Variants in DCTN1 observed in about 807,000 individuals in gnomAD.
DCTN1 encodes 150 kDa dynein-associated polypeptide.
In DCTN1, 61 loss-of-function variants were observed where a neutral mutation model predicts 161.2. The observed-to-expected ratio is 0.38, with a 90% confidence interval of 0.31 to 0.47. DCTN1 has a LOEUF of 0.47. Ranked by LOEUF, DCTN1 falls within the 20% of genes least tolerant of loss-of-function variation. The pLI, the probability that DCTN1 is intolerant of heterozygous loss-of-function variation, is 0.99. For synonymous variants in DCTN1, 653 were observed against 632.4 expected, an observed-to-expected ratio of 1.03 and a Z score of -0.49; for missense variants, 1,404 against 1,623.7, an observed-to-expected ratio of 0.86 and a Z score of 2.33.
At chr2:74,383,972 T>C (rs935590241), upstream of DCTN1, among the ~76,000 whole-genome samples, 1 of 152,186 alleles carries the variant, frequency 6.6e-6, no homozygotes, top group African/African-American at 2.4e-5. Flanking sequence ...CAGTAGGAAC[T>C]CAAATGCTGC....
At chr2:74,364,690 A>T in intron 26 of DCTN1, 1 of 333,556 alleles carries the variant, frequency 3.0e-6, no homozygotes. Context: ...GCAGAGAAGC[A>T]ATCAAGAGCA....
intron 25 of DCTN1, 49 bp from the exon 26 acceptor site, chr2:74,365,290 C>A: frequency 6.2e-7 from 1 of 1,609,412 alleles, no homozygotes; most frequent in South Asian, 1.1e-5. Context: ...CTAAAGCACT[C>A]CTTGACTATT....
Position 74,379,990 on chromosome 2 carries a change from A to G in DCTN1, c.33+15T>C. On this transcript the variant is annotated intron_variant, in intron 1 of 31. Coordinates refer to ENST00000628224, the MANE Select transcript of DCTN1 (RefSeq NM_004082.5). ...CAGCAGCCCTCCAGGGCCATCCCAGATTAGGGCCACTTACCCGGCTGTACA... is the reference window on the plus strand; with the variant it reads ...CAGCAGCCCTCCAGGGCCATCCCAGGTTAGGGCCACTTACCCGGCTGTACA... 1.9e-6 allele frequency: 3 copies of G among 1,613,968 alleles called. No individual in the cohort carries two copies. Among genetic ancestry groups the G allele is most frequent in the Non-Finnish European group, 2.5e-6 (3 of 1,179,882 alleles).
Position 74,369,189 on chromosome 2 carries a change from T to C in DCTN1, c.1610A>G (p.Gln537Arg), listed in dbSNP as rs4994503. The part of the protein sequence containing the change: ...LQDVNRELTN[Q>R]QEASVERQQQ... The stretch of plus-strand genomic sequence containing the variant: ...TTGCCTCTCCACAGATGCTTCCTGC[T>C]GGTTTGTCAGTTCCCGATTCACATC... Residue 537 changes from glutamine (Q) to arginine (R), a missense_variant, in exon 15 of 32, where the codon CAG (glutamine) becomes CGG (arginine). This residue lies in a region of DCTN1 where 278 missense variants were observed against 363.8 expected (regional missense o/e 0.76). Transcript: ENST00000628224. This position sits in a 1 kb window ranked among gnomAD's most constrained non-coding sequence, Gnocchi z 4.9. 3.7e-6 allele frequency: 6 copies of C among 1,614,130 alleles called. No individual in the cohort carries two copies. Among genetic ancestry groups the C allele is most frequent in the Non-Finnish European group, 5.1e-6 (6 of 1,180,054 alleles).
chr2:74,376,886 C>A, intron 4 of DCTN1, 124 bp from the exon 5 acceptor site: 1 of 831,092 alleles, frequency 1.2e-6, no homozygotes, highest in South Asian at 1.4e-5. Flanking sequence ...ATGAGTAGCC[C>A]CTCAAAGATC....
At chr2:74,367,284 A>C in intron 19 of DCTN1, 68 bp downstream of exon 19, 1 of 1,593,036 alleles carries the variant, frequency 6.3e-7, no homozygotes, top group Non-Finnish European at 8.6e-7. Context: ...TGGGTGCCTG[A>C]TCTCTTGACC....
At chr2:74,382,095 A>G (rs1573184042), upstream of DCTN1, among the ~76,000 whole-genome samples, 1 of 152,180 alleles carries the variant, frequency 6.6e-6, no homozygotes, top group East Asian at 1.9e-4. Flanking sequence ...AGACATATCT[A>G]GGCTTCCAAG....
At position 74,369,590 on chromosome 2, in the gene DCTN1, G is replaced by A; in HGVS notation, c.1393-99C>T. Reference sequence around the variant, plus strand: ...CCAGCACTTTGGGAGGTCAAAGCAGGCGGATCATGAGGTCGAGATCGAGAT... The same window carrying A: ...CCAGCACTTTGGGAGGTCAAAGCAGACGGATCATGAGGTCGAGATCGAGAT... On this transcript the variant is annotated intron_variant, in intron 13 of 31. Transcript: ENST00000628224. The surrounding 1 kb of genome is among the most constrained non-coding windows in gnomAD (Gnocchi z 4.9). 8.1e-7 allele frequency: 1 copy of A among 1,236,054 alleles called. No individual in the cohort carries two copies. Among genetic ancestry groups the A allele is most frequent in the Non-Finnish European group, 1.2e-6 (1 of 848,166 alleles). 76.6% of individuals were successfully genotyped at this position (1,236,054 alleles called of 1,614,324 possible). A position where few individuals can be genotyped will look rare whatever the true frequency, so the allele number is the denominator to read the frequency against.
At chr2:74,375,994 G>A (rs1675200523) in intron 5 of DCTN1, among the ~76,000 whole-genome samples, 1 of 152,232 alleles carries the variant, frequency 6.6e-6, no homozygotes. Flanking sequence ...GCACATGCAG[G>A]TCAAAAACAG....
At chr2:74,382,392 G>T (rs927937554), upstream of DCTN1, among the ~76,000 whole-genome samples, 3 of 152,044 alleles carry the variant, frequency 2.0e-5, no homozygotes, top group Non-Finnish European at 2.9e-5. Context: ...TTGAGACCAG[G>T]AGTTCAAGAC....
At chr2:74,382,091 A>C (rs1484050568), upstream of DCTN1, among the ~76,000 whole-genome samples, 1 of 152,152 alleles carries the variant, frequency 6.6e-6, no homozygotes, top group Non-Finnish European at 1.5e-5. Context: ...CCACAGACAT[A>C]TCTAGGCTTC....
At chr2:74,385,124 T>C (rs1437083092), upstream of DCTN1, 1 of 152,186 alleles carries the variant, frequency 6.6e-6, no homozygotes, top group Non-Finnish European at 1.5e-5. Flanking sequence ...CAGCTCCTCA[T>C]TACCCTAAAA....
chr2:74,374,279 TTG>T, intron 6 of DCTN1, 42 bp downstream of exon 6: 8 of 659,496 alleles, frequency 1.2e-5, no homozygotes, highest in Non-Finnish European at 2.1e-5. Flanking sequence ...GCTGCCACCA[TTG>T]CCCTGGCAAC....
In DCTN1 at chr2:74,363,185, T is replaced by A; in HGVS notation, c.3346-8A>T. On this transcript the variant is annotated splice_region_variant and splice_polypyrimidine_tract_variant and intron_variant, in intron 28 of 31. Coordinates refer to ENST00000628224, the MANE Select transcript of DCTN1 (RefSeq NM_004082.5). ...TGCCTTCATCTGGGCTCCCTGTGGA[T>A]GAAAAAAGAAGGATAGTGGTAAGAG... The A allele has an allele frequency of 6.2e-7, 1 of 1,613,880 alleles. No individual in the cohort carries two copies. Among genetic ancestry groups the A allele is most frequent in the Non-Finnish European group, 8.5e-7 (1 of 1,179,930 alleles).
At chr2:74,372,783 C>T (rs1313774927) in intron 7 of DCTN1, 145 bp downstream of exon 7, 8 of 877,118 alleles carry the variant, frequency 9.1e-6, no homozygotes, top group Admixed American at 1.9e-5. Context: ...GCCAGCACTG[C>T]GAACCCCCAC....
chr2:74,374,457 A>G, intron 5 of DCTN1, 117 bp from the exon 6 acceptor site: 1 of 1,568,864 alleles, frequency 6.4e-7, no homozygotes, highest in South Asian at 1.2e-5. Flanking sequence ...AAGAGACCGA[A>G]CAGAGGGAAA....
At chr2:74,380,628 G>A, upstream of DCTN1, 1 of 466,884 alleles carries the variant, frequency 2.1e-6, no homozygotes, top group Non-Finnish European at 4.4e-6. Flanking sequence ...CTACCTTTCT[G>A]GTGCTCTTCT....
chr2:74,386,900 G>A (rs971514744), intron 1 of DCTN1: 16 of 152,026 alleles, frequency 1.1e-4, no homozygotes, highest in Admixed American at 9.2e-4. Context: ...CCTGTCTACT[G>A]GATCTTACAT....
At chr2:74,391,691 C>T (rs889645179) in intron 1 of DCTN1, 1 of 412,922 alleles carries the variant, frequency 2.4e-6, no homozygotes, top group Non-Finnish European at 4.8e-6. Flanking sequence ...CCTGCCAGTC[C>T]CCGCCCCGCA....
Sources: allele counts gnomAD v4.1 joint callset (sites outside exome capture counted in the v4.1 genomes callset), GRCh38; gene constraint gnomAD v4.1.1; regional missense constraint gnomAD v4.1.1; non-coding constraint Gnocchi (gnomAD v3.1); transcripts MANE v1.5; gene names NCBI Gene and HGNC (gene_info 2026-07-23, HGNC 2026-07-21).